Variants in LDLRAD3 observed in about 807,000 individuals in gnomAD.
The protein encoded by LDLRAD3 is low density lipoprotein receptor class A domain containing 3.
A neutral mutation model predicts 29.4 loss-of-function variants in LDLRAD3; 20 were observed. The ratio of observed to expected loss-of-function variants is 0.68; its 90% CI spans 0.48 to 0.99. The LOEUF (loss-of-function observed/expected upper bound fraction) is 0.99, where lower values mean the gene tolerates loss of function less well. LDLRAD3 is among the 50% of genes least tolerant of loss of function. LDLRAD3 has a pLI of 0.00. For synonymous variants in LDLRAD3, 157 were observed against 192.7 expected, an observed-to-expected ratio of 0.81 and a Z score of 1.53; for missense variants, 420 against 454.3, an observed-to-expected ratio of 0.92 and a Z score of 0.69.
intron 4 of LDLRAD3, among the ~76,000 whole-genome samples, chr11:36,219,247 C>A (rs1161874740): frequency 6.6e-6 from 1 of 152,160 alleles, no homozygotes; most frequent in East Asian, 1.9e-4. Context: ...TAGTAGAATC[C>A]TAATAGGTTT....
intron 4 of LDLRAD3, among the ~76,000 whole-genome samples, chr11:36,191,599 T>TATATATAC (rs1554972506): frequency 2.1e-5 from 2 of 93,136 alleles, no homozygotes; most frequent in African/African-American, 9.0e-5. Flanking sequence ...TATATATATA[T>TATATATAC]ACACACACAC....
At chr11:36,121,614 G>A (rs1198372167) in intron 4 of LDLRAD3, among the ~76,000 whole-genome samples, 1 of 152,240 alleles carries the variant, frequency 6.6e-6, no homozygotes, top group Non-Finnish European at 1.5e-5. Context: ...TGGAATTCTG[G>A]AGAAGTAGTA....
chr11:36,229,110 C>T (rs1855538037), intron 5 of LDLRAD3, 50 bp from the exon 6 acceptor site: 1 of 1,319,430 alleles, frequency 7.6e-7, no homozygotes, highest in Non-Finnish European at 1.1e-6. Flanking sequence ...AATGTGTTCT[C>T]TTCTCTTCCT....
chr11:36,089,817 G>T (rs993870729), intron 3 of LDLRAD3, among the ~76,000 whole-genome samples: 5 of 139,614 alleles, frequency 3.6e-5, no homozygotes, highest in African/African-American at 8.2e-5. Flanking sequence ...TTGCTATGCT[G>T]CCTTGAATGG....
chr11:35,982,180 G>A (rs1851550303), intron 1 of LDLRAD3, among the ~76,000 whole-genome samples: 3 of 152,180 alleles, frequency 2.0e-5, no homozygotes, highest in Non-Finnish European at 4.4e-5. Flanking sequence ...CAAAGTGTCT[G>A]CAGGGTTTGT....
intron 4 of LDLRAD3, among the ~76,000 whole-genome samples, chr11:36,125,677 T>A (rs781267282): frequency 6.6e-6 from 1 of 152,204 alleles, no homozygotes; most frequent in Admixed American, 6.5e-5. Context: ...TGATCTCCAC[T>A]ACTCGGCACC....
intron 4 of LDLRAD3, among the ~76,000 whole-genome samples, chr11:36,173,930 AGCTG>A (rs2133350953): frequency 6.6e-6 from 1 of 152,354 alleles, no homozygotes; most frequent in South Asian, 2.1e-4. Flanking sequence ...AAAAGAGCAA[AGCTG>A]GAGGCATCAT....
chr11:35,981,006 C>G (rs1851534190), intron 1 of LDLRAD3, among the ~76,000 whole-genome samples: 1 of 152,144 alleles, frequency 6.6e-6, no homozygotes, highest in South Asian at 2.1e-4. Flanking sequence ...GGAGGCAAGA[C>G]TTCCTCGTTT....
intron 4 of LDLRAD3, among the ~76,000 whole-genome samples, chr11:36,179,644 C>T (rs916652398): frequency 6.6e-6 from 1 of 152,148 alleles, no homozygotes; most frequent in Admixed American, 6.5e-5. Context: ...GCAGCCTCCT[C>T]ATCTGTAAAA....
intron 1 of LDLRAD3, among the ~76,000 whole-genome samples, chr11:35,986,460 A>G (rs1283286997): frequency 6.6e-6 from 1 of 152,220 alleles, no homozygotes; most frequent in Non-Finnish European, 1.5e-5. Context: ...ATGTAAGGAC[A>G]TGTGTTAGAT....
At chr11:36,053,676 G>A (rs1054059993) in intron 2 of LDLRAD3, among the ~76,000 whole-genome samples, 4 of 152,114 alleles carry the variant, frequency 2.6e-5, no homozygotes, top group Admixed American at 6.5e-5. Flanking sequence ...TCCTCTTCCC[G>A]TGACCCCAGA....
intron 2 of LDLRAD3, among the ~76,000 whole-genome samples, chr11:36,040,840 C>T (rs1183496644): frequency 6.6e-6 from 1 of 152,096 alleles, no homozygotes; most frequent in Non-Finnish European, 1.5e-5. Context: ...CCCTGGGTAA[C>T]ATCTTTAAAA....
At chr11:36,129,955 T>A (rs1281986658) in intron 4 of LDLRAD3, among the ~76,000 whole-genome samples, 1 of 152,210 alleles carries the variant, frequency 6.6e-6, no homozygotes, top group Non-Finnish European at 1.5e-5. Flanking sequence ...AGATAAAAGC[T>A]CCAGGAGGGA....
chr11:35,973,831 T>G (rs1242858824), intron 1 of LDLRAD3, among the ~76,000 whole-genome samples: 1 of 152,160 alleles, frequency 6.6e-6, no homozygotes, highest in Non-Finnish European at 1.5e-5. Flanking sequence ...ACCAGTATAC[T>G]CCCCACCAGC....
intron 1 of LDLRAD3, among the ~76,000 whole-genome samples, chr11:35,965,306 TTAATTC>T (rs1590689803): frequency 6.6e-6 from 1 of 152,184 alleles, no homozygotes; most frequent in Non-Finnish European, 1.5e-5. Context: ...TGGAATAAGT[TTAATTC>T]TAAGAAGAGC....
At chr11:36,173,781 T>C (rs1854632367) in intron 4 of LDLRAD3, among the ~76,000 whole-genome samples, 1 of 152,174 alleles carries the variant, frequency 6.6e-6, no homozygotes, top group Non-Finnish European at 1.5e-5. Flanking sequence ...AAAATGGCCA[T>C]ACTGCCCAAG....
intron 2 of LDLRAD3, among the ~76,000 whole-genome samples, chr11:36,053,607 A>G (rs186334005): frequency 4.5e-4 from 69 of 152,328 alleles, no homozygotes; most frequent in Admixed American, 2.2e-3. Flanking sequence ...GGCTGCCACT[A>G]GCAGCAGCAA....
chr11:36,144,214 G>C (rs1854134320), intron 4 of LDLRAD3, among the ~76,000 whole-genome samples: 1 of 151,954 alleles, frequency 6.6e-6, no homozygotes, highest in Non-Finnish European at 1.5e-5. Flanking sequence ...GGCAGACAGA[G>C]TTGCGTTCAC....
intron 4 of LDLRAD3, among the ~76,000 whole-genome samples, chr11:36,144,409 G>A (rs1429413781): frequency 1.6e-4 from 23 of 144,872 alleles, no homozygotes. Flanking sequence ...GATGTGAGGA[G>A]CCTCTCTGCC....
Sources: gnomAD v4.1 joint callset for allele counts (sites outside exome capture counted in the v4.1 genomes callset) on GRCh38, gnomAD v4.1.1 for gene constraint, MANE v1.5 for transcripts, NCBI Gene and HGNC (gene_info 2026-07-23, HGNC 2026-07-21) for gene names.